FANCI: variants seen among roughly 807,000 people sequenced by gnomAD.
FANCI encodes Fanconi anemia group I protein.
FANCI carries 156 observed loss-of-function variants against 176.1 expected under a neutral mutation model. The ratio of observed to expected loss-of-function variants is 0.89; its 90% CI spans 0.78 to 1.01. The LOEUF (loss-of-function observed/expected upper bound fraction) is 1.01. FANCI is among the 50% of genes least tolerant of loss of function. FANCI has a pLI of 0.00. For synonymous variants in FANCI, 613 were observed against 541.7 expected (o/e 1.13, Z -1.83); for missense variants, 1,678 against 1,534.1 (o/e 1.09, Z -1.57).
chr15:89,261,268 C>T (rs977798002), intron 4 of FANCI, among the ~76,000 whole-genome samples: 2 of 151,382 alleles, frequency 1.3e-5, no homozygotes, highest in East Asian at 1.9e-4. Flanking sequence ...GAGACCCCGT[C>T]TCAAAAAAAA....
rs762631702 is a variant in FANCI at position 89,293,817 on chromosome 15, T to C, written c.2292-16T>C. ...CTGATGTTTGTCCTTAGCGGTCTCTTTTTTGTTTTTTACAGTAAGAATAGG... is the reference window on the plus strand; with the variant it reads ...CTGATGTTTGTCCTTAGCGGTCTCTCTTTTGTTTTTTACAGTAAGAATAGG... On this transcript the variant is annotated splice_polypyrimidine_tract_variant and intron_variant, in intron 22 of 37. Coordinates refer to ENST00000310775, the MANE Select transcript of FANCI (RefSeq NM_001113378.2). 1.2e-6 allele frequency: 2 copies of C among 1,612,946 alleles called. No individual in the cohort carries two copies. The highest frequency in any genetic ancestry group is 1.1e-5 in the South Asian group (1 of 91,000).
chr15:89,270,982 T>G (rs2053177874), intron 10 of FANCI, among the ~76,000 whole-genome samples: 2 of 152,228 alleles, frequency 1.3e-5, no homozygotes, highest in South Asian at 4.1e-4. Flanking sequence ...TTCACTCTTT[T>G]TTTAAATTTA....
At chr15:89,287,962 G>A (rs1321459705) in intron 18 of FANCI, among the ~76,000 whole-genome samples, 1 of 152,118 alleles carries the variant, frequency 6.6e-6, no homozygotes, top group African/African-American at 2.4e-5. Context: ...TAAAGAGAAA[G>A]TTTGAAATAT....
chr15:89,254,184 C>T (rs1261344974), intron 2 of FANCI, among the ~76,000 whole-genome samples: 1 of 152,052 alleles, frequency 6.6e-6, no homozygotes, highest in East Asian at 1.9e-4. Flanking sequence ...GTGGTCAAAT[C>T]CTGTCTCTAT....
In FANCI at chr15:89,258,980, T is replaced by A; in HGVS notation, c.157+204T>A. 5 of 550,608 alleles carry A rather than the reference T, an allele frequency of 9.1e-6. No homozygotes were observed. The South Asian group carries it at 1.0e-4, about 11-fold the overall frequency. The allele number at this position is 550,608 out of a possible 1,614,324, so 34.1% of individuals were successfully genotyped here. On this transcript the variant is annotated intron_variant, in intron 3 of 37. Coordinates refer to ENST00000310775, the MANE Select transcript of FANCI (RefSeq NM_001113378.2). The stretch of plus-strand genomic sequence containing the variant: ...GGGAGTTTGAAGTGGCTACCTGAGA[T>A]TGCGTTGCTGATTTGGGGGCCTATA...
intron 34 of FANCI, among the ~76,000 whole-genome samples, chr15:89,312,618 G>A (rs886453314): frequency 6.6e-6 from 1 of 152,032 alleles, no homozygotes; most frequent in Admixed American, 6.5e-5. Context: ...CCAGGAGTTC[G>A]AGACCAGCCT....
At position 89,273,517 on chromosome 15, in the gene FANCI, A is replaced by C. The variant is rs778651951; in HGVS notation, c.975+48A>C. ...TGTTTCTTTCTGTAGTTGGTAAAAA[A>C]AAAAAAAAAAAAAAAAAATCACAGT... On this transcript the variant is annotated intron_variant, in intron 11 of 37. Transcript: ENST00000310775. 9 of 926,758 alleles carry C rather than the reference A, an allele frequency of 9.7e-6. No homozygotes were observed. In the African/African-American group the frequency reaches 1.3e-4, roughly 13 times the overall value. 57.4% of individuals were successfully genotyped at this position (926,758 alleles called of 1,614,324 possible). A position where few individuals can be genotyped will look rare whatever the true frequency, so the allele number is the denominator to read the frequency against.
chr15:89,295,128 A>G (rs2054203914), intron 24 of FANCI, 34 bp downstream of exon 24: 6 of 1,545,398 alleles, frequency 3.9e-6, no homozygotes, highest in African/African-American at 2.8e-5. Flanking sequence ...AACTTATTCC[A>G]CTTGGCTGTG....
At chr15:89,290,529 C>A in intron 19 of FANCI, 1 of 485,584 alleles carries the variant, frequency 2.1e-6, no homozygotes, top group African/African-American at 1.9e-5. Context: ...GTCAGAAGGA[C>A]ATTTTGAAGA....
rs749327026 is a variant in FANCI at position 89,292,973 on chromosome 15, G to A, written c.2201G>A (p.Ser734Asn). Residue 734 changes from serine to asparagine, a missense_variant, in exon 22 of 38, where the codon AGT (serine) becomes AAT (asparagine). Around this residue, in one of 3 missense-constraint regions of FANCI, gnomAD observed 1,204 missense variants for 1,077.4 expected, o/e 1.12. Coordinates refer to ENST00000310775, the MANE Select transcript of FANCI (RefSeq NM_001113378.2). The part of the protein sequence containing the change: ...DKSADFSQST[S>N]IGIKNNICAF... ...TCAGCAGATTTTTCTCAGAGCACCA[G>A]TATTGGCATAAAAAATAATATCTGT... The A allele has an allele frequency of 6.2e-7, 1 of 1,614,078 alleles. No homozygotes were observed. The highest frequency in any genetic ancestry group is 8.5e-7 in the Non-Finnish European group (1 of 1,179,992).
At chr15:89,286,944 C>CT (rs2151635972) in intron 18 of FANCI, among the ~76,000 whole-genome samples, 1 of 147,382 alleles carries the variant, frequency 6.8e-6, no homozygotes, top group South Asian at 2.1e-4. Context: ...TTTGCCTCAG[C>CT]TTCTCCATCA....
At position 89,316,380 on chromosome 15, in the gene FANCI, A is replaced by ATTCTT; in HGVS notation, c.3925-15_3925-11dup. Reference sequence around the variant, plus strand: ...GCAGGTTTATCACGTTAGAGCATTAATTCTTTCCCCTTCTAGGGCACTGCA... The same window carrying ATTCTT: ...GCAGGTTTATCACGTTAGAGCATTAATTCTTTTCTTTCCCCTTCTAGGGCACTGCA... On this transcript the variant is annotated splice_polypyrimidine_tract_variant and intron_variant, in intron 37 of 37. Coordinates refer to ENST00000310775, the MANE Select transcript of FANCI (RefSeq NM_001113378.2). 1 of 1,608,540 alleles carries ATTCTT rather than the reference A, an allele frequency of 6.2e-7. No homozygotes were observed. The highest frequency in any genetic ancestry group is 8.5e-7 in the Non-Finnish European group (1 of 1,176,758).
chr15:89,297,260 C>T (rs954460086), intron 24 of FANCI, among the ~76,000 whole-genome samples: 3 of 151,780 alleles, frequency 2.0e-5, no homozygotes, highest in Non-Finnish European at 4.4e-5. Flanking sequence ...AGAGACGCTC[C>T]TCACTTCCCA....
In FANCI at chr15:89,273,510, G is replaced by GC. The variant is rs1567151871; in HGVS notation, c.975+41_975+42insC. 19 of 660,534 alleles carry GC rather than the reference G, an allele frequency of 2.9e-5. 1 individual carries two copies. The highest frequency in any genetic ancestry group is 2.7e-4 in the African/African-American group (10 of 36,426). 40.9% of individuals were successfully genotyped at this position (660,534 alleles called of 1,614,324 possible). ...GCCATTTTGTTTCTTTCTGTAGTTG[G>GC]TAAAAAAAAAAAAAAAAAAAAAAAA... On this transcript the variant is annotated intron_variant, in intron 11 of 37. Transcript: ENST00000310775.
At chr15:89,265,512 T>C (rs780568508) in intron 9 of FANCI, among the ~76,000 whole-genome samples, 12 of 151,154 alleles carry the variant, frequency 7.9e-5, no homozygotes, top group Admixed American at 2.0e-4. Flanking sequence ...TGGCCAAGGA[T>C]TTTTGTTTTT....
At chr15:89,316,319 CT>C in intron 37 of FANCI, 77 bp from the exon 38 acceptor site, 21 of 1,405,940 alleles carry the variant, frequency 1.5e-5, no homozygotes, top group Non-Finnish European at 1.9e-5. Flanking sequence ...AAGATAGAGT[CT>C]TTTTTTTCCT....
chr15:89,264,813 T>C (rs1407869392), intron 9 of FANCI, among the ~76,000 whole-genome samples: 2 of 152,212 alleles, frequency 1.3e-5, no homozygotes, highest in African/African-American at 4.8e-5. Context: ...AAAATAATTG[T>C]CCTATAAGCT....
chr15:89,291,671 G>A lies in FANCI; in HGVS notation c.1949G>A (p.Cys650Tyr), dbSNP rs2054075450. The A allele has an allele frequency of 3.7e-6, 6 of 1,613,726 alleles. No homozygotes were observed. The highest frequency in any genetic ancestry group is 5.1e-6 in the Non-Finnish European group (6 of 1,179,858). ...CTGCCTCCTCTGAAATTAGAAGCTT[G>A]TATTCTGACCCAAGGAGATAAGATC... The part of the protein sequence containing the change: ...DLLPPLKLEA[C>Y]ILTQGDKISL... The change falls in exon 20 of 38, where the codon TGT becomes TAT. Residue 650 changes from cysteine to tyrosine, a missense_variant. Transcript: ENST00000310775.
At chr15:89,254,521 A>G (rs1251432498) in intron 2 of FANCI, among the ~76,000 whole-genome samples, 2 of 152,174 alleles carry the variant, frequency 1.3e-5, no homozygotes, top group East Asian at 3.9e-4. Flanking sequence ...AAATACAGAG[A>G]TTTATAAGTC....
Sources: allele counts gnomAD v4.1 joint callset (sites outside exome capture counted in the v4.1 genomes callset), GRCh38; gene constraint gnomAD v4.1.1; regional missense constraint gnomAD v4.1.1; transcripts MANE v1.5; gene names NCBI Gene and HGNC (gene_info 2026-07-23, HGNC 2026-07-21).